PDE1B: variants seen among roughly 807,000 people sequenced by gnomAD.
The protein encoded by PDE1B is dual specificity calcium/calmodulin-dependent 3',5'-cyclic nucleotide phosphodiesterase 1B.
A neutral mutation model predicts 66.7 loss-of-function variants in PDE1B; 13 were observed. The observed-to-expected ratio is 0.19, with a 90% confidence interval of 0.13 to 0.31. The LOEUF is 0.31. PDE1B is among the 10% of genes least tolerant of loss of function. PDE1B has a pLI of 1.00. For synonymous variants in PDE1B, 230 were observed against 253.9 expected, an observed-to-expected ratio of 0.91 and a Z score of 0.90; for missense variants, 485 against 682.3, an observed-to-expected ratio of 0.71 and a Z score of 3.22.
At chr12:54,563,570 T>C (rs1055698157) in intron 2 of PDE1B, among the ~76,000 whole-genome samples, 14 of 152,336 alleles carry the variant, frequency 9.2e-5, no homozygotes, top group African/African-American at 3.1e-4. Flanking sequence ...CCATCTGGAC[T>C]TGGGAGAGAG....
chr12:54,570,410 G>A, intron 6 of PDE1B, 53 bp downstream of exon 6: 1 of 1,005,690 alleles, frequency 9.9e-7, no homozygotes, highest in African/African-American at 1.6e-5. Context: ...CTCCTCTCAT[G>A]CCTGTTCTAA....
intron 15 of PDE1B, chr12:54,577,574 C>G (rs1957784342): frequency 1.1e-5 from 16 of 1,520,724 alleles, no homozygotes; most frequent in Middle Eastern, 1.8e-4. Context: ...CTTCTCAGAA[C>G]AGCAGCAGAA....
At chr12:54,571,151 C>T (rs540429127) in intron 6 of PDE1B, 1 of 152,294 alleles carries the variant, frequency 6.6e-6, no homozygotes, top group South Asian at 2.1e-4. Context: ...AGGGTCCCCT[C>T]CCAGGCCGGC....
chr12:54,576,037 ACGTGG>A lies in PDE1B; in HGVS notation c.1315_1319del (p.Val439ArgfsTer10), dbSNP rs1957736259. ...GAGCCCACATTCTCTGTGCTGACTG[ACGTGG>A]CAGAGAAGAGTGTTCAGCCCCTGGC... On this transcript the variant is annotated frameshift_variant, in exon 13 of 16. Coordinates refer to ENST00000243052, the MANE Select transcript of PDE1B (RefSeq NM_000924.4). LOFTEE classifies it high-confidence loss of function. 1 of 1,613,982 alleles carries A rather than the reference ACGTGG, an allele frequency of 6.2e-7. No homozygotes were observed. The highest frequency in any genetic ancestry group is 1.3e-5 in the African/African-American group (1 of 74,934).
intron 15 of PDE1B, chr12:54,577,608 C>T: frequency 6.8e-7 from 1 of 1,465,096 alleles, no homozygotes; most frequent in East Asian, 2.3e-5. Flanking sequence ...TGCCAGGTGA[C>T]AGCTAACCTG....
In PDE1B at chr12:54,578,703, C is replaced by A. The variant is rs1370332128; in HGVS notation, c.*861C>A. The A allele has an allele frequency of 6.6e-6, 1 of 152,206 alleles. No individual in the cohort carries two copies. Among genetic ancestry groups the A allele is most frequent in the Non-Finnish European group, 1.5e-5 (1 of 68,076 alleles). 9.4% of individuals were successfully genotyped at this position (152,206 alleles called of 1,614,324 possible). ...AATGTCTGTAAAGTGCTTTGAGGAT[C>A]TCCCCAGCAAAGCACCTTCAGAATG... On this transcript the variant is annotated 3_prime_UTR_variant, in exon 16 of 16. Transcript: ENST00000243052.
intron 15 of PDE1B, 191 bp from the exon 16 acceptor site, chr12:54,577,669 G>T: frequency 1.0e-6 from 1 of 977,074 alleles, no homozygotes; most frequent in Non-Finnish European, 1.4e-6. Flanking sequence ...AGGGCACACA[G>T]CTCAGTGAGG....
At chr12:54,552,652 T>G (rs545036066) in intron 2 of PDE1B, among the ~76,000 whole-genome samples, 93 of 152,338 alleles carry the variant, frequency 6.1e-4, no homozygotes, top group African/African-American at 2.2e-3. Context: ...CAAAAATAAA[T>G]TCAGAATCTA....
chr12:54,577,048 G>A lies in PDE1B; in HGVS notation c.1508-177G>A. ...GAGGGGGTGGTAGGGTGGTGTTGAG[G>A]GTTCTGAGTTTTAGCAAGGCTGGAG... On this transcript the variant is annotated intron_variant, in intron 14 of 15. Transcript: ENST00000243052. The A allele has an allele frequency of 2.3e-5, 15 of 642,344 alleles. No individual in the cohort carries two copies. The South Asian group carries it at 2.7e-4, about 12-fold the overall frequency. The allele number at this position is 642,344 out of a possible 1,614,324, so 39.8% of individuals were successfully genotyped here. A position where few individuals can be genotyped will look rare whatever the true frequency, so the allele number is the denominator to read the frequency against.
At chr12:54,563,504 C>G (rs1459430193) in intron 2 of PDE1B, among the ~76,000 whole-genome samples, 2 of 152,160 alleles carry the variant, frequency 1.3e-5, no homozygotes, top group Non-Finnish European at 2.9e-5. Flanking sequence ...TCTCCCATTT[C>G]CTCTGTTAGG....
rs1957577723 is a variant in PDE1B, at chr12:54,569,474, C to T, written c.411-72C>T. 1.5e-5 allele frequency: 24 copies of T among 1,586,276 alleles called. No individual in the cohort carries two copies. In the South Asian group the frequency reaches 2.3e-4, roughly 15 times the overall value. On this transcript the variant is annotated intron_variant, in intron 4 of 15. Coordinates refer to ENST00000243052, the MANE Select transcript of PDE1B (RefSeq NM_000924.4). This position sits in a 1 kb window ranked among gnomAD's most constrained non-coding sequence, Gnocchi z 4.4. Reference sequence around the variant, plus strand: ...GCCATATGATCCCATGGCTCATCCCCACATCCCCAGCTGGCCACACCTCCA... The same window carrying T: ...GCCATATGATCCCATGGCTCATCCCTACATCCCCAGCTGGCCACACCTCCA...
chr12:54,577,761 C>G, intron 15 of PDE1B, 99 bp from the exon 16 acceptor site: 3 of 465,674 alleles, frequency 6.4e-6, no homozygotes, highest in East Asian at 3.3e-5. Context: ...TTGCACAGCT[C>G]TACTCGGGAC....
intron 2 of PDE1B, among the ~76,000 whole-genome samples, chr12:54,563,515 G>A (rs1957458058): frequency 6.6e-6 from 1 of 152,140 alleles, no homozygotes; most frequent in African/African-American, 2.4e-5. Flanking sequence ...CTCTGTTAGG[G>A]AGCTTCCTAA....
At chr12:54,566,875 CTG>C (rs1180689443) in intron 2 of PDE1B, 97 bp from the exon 3 acceptor site, 4 of 543,334 alleles carry the variant, frequency 7.4e-6, no homozygotes, top group Non-Finnish European at 1.3e-5. Flanking sequence ...TTACAAAAGA[CTG>C]AGGATGTTTC....
In PDE1B at chr12:54,576,407, G is replaced by C. The variant is rs1156864987; in HGVS notation, c.1377-164G>C. 5 of 728,514 alleles carry C rather than the reference G, an allele frequency of 6.9e-6. No homozygotes were observed. The Admixed American group carries it at 1.4e-4, about 20-fold the overall frequency. 45.1% of individuals were successfully genotyped at this position (728,514 alleles called of 1,614,324 possible). On this transcript the variant is annotated intron_variant, in intron 13 of 15. Coordinates refer to ENST00000243052, the MANE Select transcript of PDE1B (RefSeq NM_000924.4). ...TGTGGAGAGGGAGGGGTGAAATGAG[G>C]GGGAGAGGGACAGGGACTTGGGGAA...
chr12:54,572,893 A>G lies in PDE1B; in HGVS notation c.735+152A>G, dbSNP rs1957642430. 8 of 802,422 alleles carry G rather than the reference A, an allele frequency of 1.0e-5. No homozygotes were observed. The South Asian group carries it at 1.3e-4, about 13-fold the overall frequency. 49.7% of individuals were successfully genotyped at this position (802,422 alleles called of 1,614,324 possible). A position where few individuals can be genotyped will look rare whatever the true frequency, so the allele number is the denominator to read the frequency against. ...GAGCCAAACTGGATTAACTCACTCTAGAGAATTCCCAGGTAGACTAAAACT... is the reference window on the plus strand; with the variant it reads ...GAGCCAAACTGGATTAACTCACTCTGGAGAATTCCCAGGTAGACTAAAACT... On this transcript the variant is annotated intron_variant, in intron 7 of 15. Coordinates refer to ENST00000243052, the MANE Select transcript of PDE1B (RefSeq NM_000924.4).
rs762759909 is a variant in PDE1B, at chr12:54,573,743, C to G, written c.1064+34C>G. Reference sequence around the variant, plus strand: ...TGGTGGGGTGTGGCTGGGGCCAGGCCAGAGGGAGGGGTGTGTGAACTGGGG... The same window carrying G: ...TGGTGGGGTGTGGCTGGGGCCAGGCGAGAGGGAGGGGTGTGTGAACTGGGG... On this transcript the variant is annotated intron_variant, in intron 10 of 15. Transcript: ENST00000243052. This position sits in a 1 kb window ranked among gnomAD's most constrained non-coding sequence, Gnocchi z 5.2. 16 of 1,512,790 alleles carry G rather than the reference C, an allele frequency of 1.1e-5. No individual in the cohort carries two copies. Among genetic ancestry groups the G allele is most frequent in the Admixed American group, 1.7e-5 (1 of 59,840 alleles). 93.7% of individuals were successfully genotyped at this position (1,512,790 alleles called of 1,614,324 possible).
In PDE1B at chr12:54,576,613, C is replaced by A; in HGVS notation, c.1419C>A (p.Asp473Glu). The change falls in exon 14 of 16, where the codon GAC becomes GAA. Residue 473 changes from aspartate (D) to glutamate (E), a missense_variant. By Grantham distance (45) the Asp-to-Glu change is conservative (BLOSUM62 2). This residue lies in a region of PDE1B where 126 missense variants were observed against 133.8 expected (regional missense o/e 0.94). Transcript: ENST00000243052. The stretch of plus-strand genomic sequence containing the variant: ...CCTCTCTGGATGTGGAAGTGGGAGA[C>A]CCCAACCCTGATGTGGTCAGCTTTC... ...RQPSLDVEVG[D>E]PNPDVVSFRS... 1 of 1,613,966 alleles carries A rather than the reference C, an allele frequency of 6.2e-7. No homozygotes were observed. The highest frequency in any genetic ancestry group is 8.5e-7 in the Non-Finnish European group (1 of 1,179,980).
chr12:54,559,679 A>G (rs1957382068), intron 2 of PDE1B, among the ~76,000 whole-genome samples: 1 of 152,192 alleles, frequency 6.6e-6, no homozygotes, highest in Non-Finnish European at 1.5e-5. Context: ...AATGGGTAAG[A>G]GAGGAGAGGA....
Sources: gnomAD v4.1 joint callset for allele counts (sites outside exome capture counted in the v4.1 genomes callset) on GRCh38, gnomAD v4.1.1 for gene constraint, gnomAD v4.1.1 regional missense constraint, Gnocchi (gnomAD v3.1) non-coding constraint, MANE v1.5 for transcripts, NCBI Gene and HGNC (gene_info 2026-07-23, HGNC 2026-07-21) for gene names.